NKAIN2: variants seen among roughly 807,000 people sequenced by gnomAD.
NKAIN2 encodes the protein sodium/potassium-transporting ATPase subunit beta-1-interacting protein 2.
NKAIN2 carries 14 observed loss-of-function variants against 32.6 expected under a neutral mutation model. The observed-to-expected ratio is 0.43, with a 90% confidence interval of 0.28 to 0.67. The LOEUF is 0.67. Ranked by LOEUF, NKAIN2 falls within the 30% of genes least tolerant of loss-of-function variation. The pLI is 0.17. For missense variants in NKAIN2, 198 were observed against 258.3 expected, an observed-to-expected ratio of 0.77 and a Z score of 1.60; for synonymous variants, 80 against 87.2, an observed-to-expected ratio of 0.92 and a Z score of 0.46.
At chr6:124,544,523 A>G (rs1175875452) in intron 3 of NKAIN2, among the ~76,000 whole-genome samples, 1 of 152,168 alleles carries the variant, frequency 6.6e-6, no homozygotes, top group African/African-American at 2.4e-5. Context: ...TTCTAGTTAT[A>G]GAATTAAATT....
chr6:124,405,529 TG>T (rs1362955444), intron 3 of NKAIN2, among the ~76,000 whole-genome samples: 1 of 149,788 alleles, frequency 6.7e-6, no homozygotes, highest in East Asian at 2.0e-4. Flanking sequence ...AAAAACCTTT[TG>T]TTTTGTCTTT....
rs553200445 is a variant in NKAIN2 at position 124,754,544 on chromosome 6, A to T, written c.475-36795A>T. Among the ~76,000 whole-genome samples, 38 of 152,232 alleles carry T rather than the reference A, an allele frequency of 2.5e-4. No homozygotes were observed. In the South Asian group the frequency reaches 6.4e-3, roughly 26 times the overall value. ...CAATTATGTGGAAAACAAGTTCAAC[A>T]TCACTTATCATTAGAGGAATGCAAA... On this transcript the variant is annotated intron_variant, in intron 4 of 6. Transcript: ENST00000368417.
intron 1 of NKAIN2, among the ~76,000 whole-genome samples, chr6:124,105,313 C>T (rs73563196): frequency 0.018 from 2,670 of 152,198 alleles, 80 homozygotes; most frequent in African/African-American, 0.061. Context: ...GAGATCTGCA[C>T]GTCAGTGGGT....
At chr6:124,139,078 A>ATT (rs1161013269) in intron 1 of NKAIN2, among the ~76,000 whole-genome samples, 18 of 73,550 alleles carry the variant, frequency 2.4e-4, no homozygotes, top group South Asian at 9.8e-4. Context: ...TTTAAATAAA[A>ATT]ATTTTTTTTT....
intron 1 of NKAIN2, among the ~76,000 whole-genome samples, chr6:124,189,659 C>T (rs1023736141): frequency 5.4e-4 from 82 of 151,928 alleles, no homozygotes; most frequent in Admixed American, 1.4e-3. Flanking sequence ...CCAGCCTGGG[C>T]GACAGAGCAA....
chr6:124,252,953 A>G (rs1030106137), intron 1 of NKAIN2, among the ~76,000 whole-genome samples: 3 of 152,198 alleles, frequency 2.0e-5, no homozygotes, highest in Admixed American at 6.5e-5. Flanking sequence ...AATAAAATTT[A>G]TAAAAGCATA....
At chr6:124,501,595 A>G (rs1232916091) in intron 3 of NKAIN2, among the ~76,000 whole-genome samples, 1 of 152,254 alleles carries the variant, frequency 6.6e-6, no homozygotes, top group East Asian at 1.9e-4. Flanking sequence ...TCTACACTGC[A>G]GTTAGAGTTA....
At chr6:123,905,492 C>T (rs1774818732) in intron 1 of NKAIN2, among the ~76,000 whole-genome samples, 2 of 152,048 alleles carry the variant, frequency 1.3e-5, no homozygotes, top group African/African-American at 4.8e-5. Context: ...TCTATATTCC[C>T]AGCCTGTTTA....
intron 3 of NKAIN2, among the ~76,000 whole-genome samples, chr6:124,479,066 A>T (rs1777344854): frequency 1.3e-5 from 2 of 152,138 alleles, no homozygotes; most frequent in Non-Finnish European, 2.9e-5. Flanking sequence ...AAATGGAGGG[A>T]TATTCTACAA....
chr6:123,915,330 T>C (rs1291270580), intron 1 of NKAIN2, among the ~76,000 whole-genome samples: 2 of 152,144 alleles, frequency 1.3e-5, no homozygotes, highest in Non-Finnish European at 2.9e-5. Context: ...TTTGGCACCA[T>C]TTCTTGATTG....
chr6:124,643,866 T>A (rs938499154), intron 3 of NKAIN2, among the ~76,000 whole-genome samples: 2 of 152,232 alleles, frequency 1.3e-5, no homozygotes, highest in African/African-American at 4.8e-5. Context: ...TCTTCAAATC[T>A]CTGTAATCTA....
At chr6:123,919,685 T>A (rs534283411) in intron 1 of NKAIN2, among the ~76,000 whole-genome samples, 1 of 152,046 alleles carries the variant, frequency 6.6e-6, no homozygotes, top group South Asian at 2.1e-4. Flanking sequence ...CCATGGTTAT[T>A]TGAAGTGTGT....
At chr6:124,805,843 C>T in intron 5 of NKAIN2, among the ~76,000 whole-genome samples, 1 of 152,104 alleles carries the variant, frequency 6.6e-6, no homozygotes, top group Admixed American at 6.5e-5. Context: ...GTGAAGAATG[C>T]AGAAGCCTCA....
At chr6:124,090,511 T>G (rs7768088) in intron 1 of NKAIN2, among the ~76,000 whole-genome samples, 2,950 of 152,066 alleles carry the variant, frequency 0.019, 89 homozygotes, top group African/African-American at 0.064. Flanking sequence ...AAATTGTCCA[T>G]CTAGAGGCAT....
intron 4 of NKAIN2, among the ~76,000 whole-genome samples, chr6:124,761,431 G>T (rs997076875): frequency 3.3e-5 from 5 of 152,130 alleles, no homozygotes; most frequent in African/African-American, 1.2e-4. Flanking sequence ...GGATGAGAAA[G>T]ATGCCACTCA....
In NKAIN2 at chr6:123,815,589, G is replaced by A. The variant is rs544453402; in HGVS notation, c.54+11335G>A. Among the ~76,000 whole-genome samples, 19 of 152,142 alleles carry A rather than the reference G, an allele frequency of 1.2e-4. No homozygotes were observed. The South Asian group carries it at 3.9e-3, about 32-fold the overall frequency. On this transcript the variant is annotated intron_variant, in intron 1 of 6. Coordinates refer to ENST00000368417, the MANE Select transcript of NKAIN2 (RefSeq NM_001040214.3). ...AAAAAGCTACTAACTCTCTTACCAG[G>A]AAAATGGGCTTCAAAAACTTGTGAG... is the stretch of plus-strand genomic sequence containing the variant.
chr6:124,147,485 A>AT (rs1279365278), intron 1 of NKAIN2, among the ~76,000 whole-genome samples: 1 of 152,196 alleles, frequency 6.6e-6, no homozygotes, highest in African/African-American at 2.4e-5. Flanking sequence ...AACAAAAGAG[A>AT]TAAAAAGACT....
intron 5 of NKAIN2, chr6:124,794,845 C>T (rs1053952960): frequency 1.3e-5 from 13 of 964,652 alleles, no homozygotes; most frequent in Non-Finnish European, 1.2e-5. Flanking sequence ...TATCCTCAGA[C>T]GATGCCTGGA....
intron 1 of NKAIN2, among the ~76,000 whole-genome samples, chr6:124,177,034 C>T (rs941037315): frequency 3.9e-5 from 6 of 152,092 alleles, no homozygotes; most frequent in Admixed American, 2.6e-4. Flanking sequence ...TTTCAGACTA[C>T]GTGTCCTACT....
Sources: allele counts gnomAD v4.1 joint callset (sites outside exome capture counted in the v4.1 genomes callset), GRCh38; gene constraint gnomAD v4.1.1; transcripts MANE v1.5; gene names NCBI Gene and HGNC (gene_info 2026-07-23, HGNC 2026-07-21).